The following MEI1 variants were observed in gnomAD, a reference collection of about 807,000 sequenced individuals.
MEI1 encodes meiotic double-stranded break formation protein 1, also known as meiosis inhibitor protein 1.
A neutral mutation model predicts 146.2 loss-of-function variants in MEI1; 103 were observed. That is an observed-to-expected ratio of 0.70 (90% CI 0.60 to 0.83). The LOEUF (loss-of-function observed/expected upper bound fraction) is 0.83. MEI1 is among the 40% of genes least tolerant of loss of function. MEI1 has a pLI of 0.00. For synonymous variants in MEI1, 652 were observed against 628.2 expected (o/e 1.04, Z -0.57); for missense variants, 1,529 against 1,533.0 (o/e 1.00, Z 0.04).
At chr22:41,738,983 A>G (rs941477212) in intron 11 of MEI1, among the ~76,000 whole-genome samples, 3 of 151,722 alleles carry the variant, frequency 2.0e-5, no homozygotes, top group African/African-American at 7.3e-5. Context: ...AAATAAATAA[A>G]TTATAGAGGA....
At chr22:41,724,115 G>C in intron 7 of MEI1, 42 bp downstream of exon 7, 1 of 1,609,724 alleles carries the variant, frequency 6.2e-7, no homozygotes, top group Non-Finnish European at 8.5e-7. Flanking sequence ...TCAATAACAA[G>C]GGGACCCAAG....
intron 22 of MEI1, among the ~76,000 whole-genome samples, chr22:41,780,877 G>A (rs778368250): frequency 6.6e-6 from 1 of 152,190 alleles, no homozygotes; most frequent in Non-Finnish European, 1.5e-5. Context: ...AAGCCACTGC[G>A]GAGGCCTGAG....
intron 22 of MEI1, among the ~76,000 whole-genome samples, chr22:41,779,609 C>G (rs904814407): frequency 6.6e-6 from 1 of 152,066 alleles, no homozygotes; most frequent in Admixed American, 6.6e-5. Context: ...GGTTAAGATA[C>G]GGAATACTTA....
Position 41,748,352 on chromosome 22 carries a change from C to T in MEI1, c.1792+134C>T. Reference sequence around the variant, plus strand: ...TCAGAATCTGTATCTATTCTTTGTCCAGTGATGAGTGAAAGGAAGTGTCAG... The same window carrying T: ...TCAGAATCTGTATCTATTCTTTGTCTAGTGATGAGTGAAAGGAAGTGTCAG... On this transcript the variant is annotated intron_variant, in intron 15 of 30. Coordinates refer to ENST00000401548, the MANE Select transcript of MEI1 (RefSeq NM_152513.4). 1.3e-5 allele frequency: 9 copies of T among 674,764 alleles called. 1 individual carries two copies. In the Admixed American group the frequency reaches 2.0e-4, roughly 15 times the overall value. The allele number at this position is 674,764 out of a possible 1,614,324, so 41.8% of individuals were successfully genotyped here. A position where few individuals can be genotyped will look rare whatever the true frequency, so the allele number is the denominator to read the frequency against.
intron 21 of MEI1, among the ~76,000 whole-genome samples, chr22:41,777,311 G>A (rs918829320): frequency 2.0e-5 from 3 of 151,694 alleles, no homozygotes; most frequent in African/African-American, 7.3e-5. Context: ...ATGCGCCACT[G>A]CACCTGGCTA....
intron 8 of MEI1, 106 bp from the exon 9 acceptor site, chr22:41,730,415 A>G: frequency 1.4e-6 from 1 of 716,438 alleles, no homozygotes; most frequent in South Asian, 1.6e-5. Flanking sequence ...TGAACAGATG[A>G]AGTAGCAAGA....
In MEI1 at chr22:41,781,792, GC is replaced by G. The variant is rs746414554; in HGVS notation, c.3036del (p.Trp1013GlyfsTer30). ...DSPRTALLCS[A>X]WLLTASFSAQ... ...TCCCAGGACTGCACTCCTCTGCTCT[GC>G]CTGGCTGCTCACTGCCTCCTTCTCT... On this transcript the variant is annotated frameshift_variant, in exon 24 of 31. Coordinates refer to ENST00000401548, the MANE Select transcript of MEI1 (RefSeq NM_152513.4). LOFTEE classifies it high-confidence loss of function. The G allele has an allele frequency of 5.0e-6, 8 of 1,613,878 alleles. No individual in the cohort carries two copies. Among genetic ancestry groups the G allele is most frequent in the Non-Finnish European group, 6.8e-6 (8 of 1,179,906 alleles).
intron 11 of MEI1, among the ~76,000 whole-genome samples, chr22:41,734,544 G>T (rs1218163663): frequency 6.6e-6 from 1 of 152,204 alleles, no homozygotes; most frequent in Non-Finnish European, 1.5e-5. Flanking sequence ...AGTGATCTGA[G>T]ATCTTGCCAC....
chr22:41,729,980 G>A (rs2071714937), intron 8 of MEI1, among the ~76,000 whole-genome samples: 1 of 152,092 alleles, frequency 6.6e-6, no homozygotes, highest in African/African-American at 2.4e-5. Context: ...CCTAATGTGG[G>A]GTGGTGAAAA....
intron 18 of MEI1, 142 bp downstream of exon 18, chr22:41,758,675 A>G: frequency 1.2e-6 from 1 of 815,778 alleles, no homozygotes; most frequent in East Asian, 2.7e-5. Flanking sequence ...TGTGTCCCTG[A>G]GAGGCTCATA....
intron 7 of MEI1, 132 bp downstream of exon 7, chr22:41,724,205 G>T: frequency 8.8e-7 from 1 of 1,142,770 alleles, no homozygotes; most frequent in East Asian, 2.6e-5. Context: ...ATAATATACT[G>T]GCTGGGGGCG....
At chr22:41,713,448 C>T (rs954326967) in intron 3 of MEI1, among the ~76,000 whole-genome samples, 1 of 150,616 alleles carries the variant, frequency 6.6e-6, no homozygotes, top group African/African-American at 2.5e-5. Context: ...GCCTGGATGA[C>T]CCTGTCTCTA....
In MEI1 at chr22:41,718,098, G is replaced by A; in HGVS notation, c.557G>A (p.Gly186Asp). Residue 186 changes from glycine (G) to aspartate (D), a missense_variant, in exon 6 of 31, where the codon GGC becomes GAC. Physicochemically the swap from Gly to Asp is moderately conservative, Grantham distance 94. This residue lies in a region of MEI1 where 1,212 missense variants were observed against 1,178.9 expected (regional missense o/e 1.03). Transcript: ENST00000401548. ...AACCTGATGGAGCATCTGTTGAGAG[G>A]CTTAGTATACCCCAGTGAGGGCATA... ...HGNLMEHLLR[G>D]LVYPSEGIQA... 6.2e-7 allele frequency: 1 copy of A among 1,612,378 alleles called. No individual in the cohort carries two copies. The highest frequency in any genetic ancestry group is 8.5e-7 in the Non-Finnish European group (1 of 1,179,352).
intron 27 of MEI1, 64 bp downstream of exon 27, chr22:41,793,974 A>G (rs763456277): frequency 7.1e-7 from 1 of 1,415,538 alleles, no homozygotes; most frequent in South Asian, 1.2e-5. Flanking sequence ...ACACCCTTCC[A>G]CCCTCCTGCT....
intron 9 of MEI1, among the ~76,000 whole-genome samples, chr22:41,731,609 C>T (rs916290959): frequency 1.3e-5 from 2 of 151,174 alleles, no homozygotes; most frequent in Non-Finnish European, 3.0e-5. Context: ...CTGCCTGCCT[C>T]GGCCTCCCAA....
chr22:41,752,685 AG>A, intron 16 of MEI1, 34 bp downstream of exon 16: 1 of 1,556,200 alleles, frequency 6.4e-7, no homozygotes, highest in Non-Finnish European at 8.7e-7. Context: ...TGAGTGGCCA[AG>A]GGGCCAATGT....
intron 26 of MEI1, among the ~76,000 whole-genome samples, chr22:41,787,255 A>G (rs1432079382): frequency 2.0e-5 from 3 of 152,190 alleles, no homozygotes; most frequent in African/African-American, 7.2e-5. Context: ...ACATCATAGT[A>G]GAATATTGGC....
intron 20 of MEI1, among the ~76,000 whole-genome samples, chr22:41,774,027 G>A (rs952807590): frequency 6.6e-6 from 1 of 152,106 alleles, no homozygotes; most frequent in Non-Finnish European, 1.5e-5. Context: ...TTTTATATGG[G>A]TAATTAACAG....
At chr22:41,746,791 G>A (rs2073324279) in intron 14 of MEI1, among the ~76,000 whole-genome samples, 1 of 152,104 alleles carries the variant, frequency 6.6e-6, no homozygotes, top group Non-Finnish European at 1.5e-5. Context: ...CACCAGCGAG[G>A]CTCTCTTCCT....
Sources: gnomAD v4.1 joint callset for allele counts (sites outside exome capture counted in the v4.1 genomes callset) on GRCh38, gnomAD v4.1.1 for gene constraint, gnomAD v4.1.1 regional missense constraint, MANE v1.5 for transcripts, NCBI Gene and HGNC (gene_info 2026-07-23, HGNC 2026-07-21) for gene names.